The following TGFA variants were observed in gnomAD, a reference collection of about 807,000 sequenced individuals.
TGFA encodes protransforming growth factor alpha.
In TGFA, 12 loss-of-function variants were observed where a neutral mutation model predicts 21.7. The observed-to-expected ratio is 0.55, with a 90% CI of 0.35 to 0.90. The LOEUF (loss-of-function observed/expected upper bound fraction) is 0.90, where lower values mean the gene tolerates loss of function less well. Ranked by LOEUF, TGFA falls within the 40% of genes least tolerant of loss-of-function variation. TGFA has a pLI of 0.01. For missense variants in TGFA, 178 were observed against 210.8 expected (o/e 0.84, Z 0.96); for synonymous variants, 79 against 88.1 (o/e 0.90, Z 0.58).
At chr2:70,499,881 G>A (rs77906326) in intron 2 of TGFA, among the ~76,000 whole-genome samples, 3 of 152,142 alleles carry the variant, frequency 2.0e-5, no homozygotes, top group South Asian at 2.1e-4. Context: ...CAAATGTGTC[G>A]CAAGGTTCTA....
chr2:70,457,762 G>A (rs988684434), intron 3 of TGFA, among the ~76,000 whole-genome samples: 5 of 152,000 alleles, frequency 3.3e-5, no homozygotes, highest in Non-Finnish European at 7.4e-5. Flanking sequence ...CGCTGGTCTC[G>A]AGCTCTTGAC....
intron 1 of TGFA, among the ~76,000 whole-genome samples, chr2:70,533,754 T>G (rs1672890414): frequency 6.6e-6 from 1 of 152,218 alleles, no homozygotes; most frequent in South Asian, 2.1e-4. Flanking sequence ...AGATGTAATC[T>G]GCTTCAAGTA....
chr2:70,514,056 T>A (rs782195832), intron 2 of TGFA, among the ~76,000 whole-genome samples: 1 of 152,130 alleles, frequency 6.6e-6, no homozygotes, highest in African/African-American at 2.4e-5. Flanking sequence ...AGAGGTAGCA[T>A]CATAACTTAA....
At position 70,483,332 on chromosome 2, in the gene TGFA, G is replaced by A. The variant is rs1671177591; in HGVS notation, c.95-17596C>T. On this transcript the variant is annotated intron_variant, in intron 2 of 5. Coordinates refer to ENST00000295400, the MANE Select transcript of TGFA (RefSeq NM_003236.4). ...CTTCAGGCATTTTTACATCATTAAA[G>A]TCAGAAATGTATTTGTCTTTTTCCA... 2.6e-5 allele frequency among the ~76,000 whole-genome samples: 4 copies of A among 152,116 alleles called. No individual in the cohort carries two copies. In the South Asian group the frequency reaches 8.3e-4, roughly 32 times the overall value.
At chr2:70,521,532 A>G (rs1468827153) in intron 1 of TGFA, among the ~76,000 whole-genome samples, 1 of 152,034 alleles carries the variant, frequency 6.6e-6, no homozygotes, top group East Asian at 1.9e-4. Context: ...ACATGAGAAA[A>G]ATGTGGTATA....
intron 1 of TGFA, among the ~76,000 whole-genome samples, chr2:70,528,863 A>G (rs577532547): frequency 6.6e-6 from 1 of 152,294 alleles, no homozygotes; most frequent in African/African-American, 2.4e-5. Context: ...CACGGCCTTT[A>G]TCATAAAATG....
At chr2:70,471,271 C>T (rs1002645746) in intron 2 of TGFA, among the ~76,000 whole-genome samples, 2 of 152,166 alleles carry the variant, frequency 1.3e-5, no homozygotes, top group Admixed American at 6.5e-5. Context: ...AGCTTTGTAG[C>T]TTGTCACAGG....
rs1175233983 is a variant in TGFA at position 70,476,080 on chromosome 2, C to CAAAAAAAAAAA, written c.95-10355_95-10345dup. 5.6e-3 allele frequency among the ~76,000 whole-genome samples: 308 copies of CAAAAAAAAAAA among 55,452 alleles called. 1 individual carries two copies. Among genetic ancestry groups the CAAAAAAAAAAA allele is most frequent in the Admixed American group, 6.8e-3 (23 of 3,372 alleles). 36.4% of individuals were successfully genotyped at this position (55,452 alleles called of 152,430 possible). A position where few individuals can be genotyped will look rare whatever the true frequency, so the allele number is the denominator to read the frequency against. ...CTACCTTGGTCTTAGTAATTTTAAG[C>CAAAAAAAAAAA]AAAAAAAAAAAAAAAAAAAAAAAAA... On this transcript the variant is annotated intron_variant, in intron 2 of 5. Coordinates refer to ENST00000295400, the MANE Select transcript of TGFA (RefSeq NM_003236.4).
chr2:70,456,549 C>T (rs1670236129), intron 3 of TGFA, 61 bp from the exon 4 acceptor site: 1 of 1,526,478 alleles, frequency 6.6e-7, no homozygotes, highest in Admixed American at 2.0e-5. Context: ...CCCTAGCTCT[C>T]CAGGGAGGGC....
At chr2:70,513,566 C>T (rs1553501231) in intron 2 of TGFA, among the ~76,000 whole-genome samples, 2 of 152,146 alleles carry the variant, frequency 1.3e-5, no homozygotes, top group African/African-American at 4.8e-5. Context: ...TCATGGACCA[C>T]CAAGTGGCTT....
chr2:70,466,544 A>T (rs534895738), intron 2 of TGFA, among the ~76,000 whole-genome samples: 66 of 152,198 alleles, frequency 4.3e-4, no homozygotes, highest in African/African-American at 1.6e-3. Flanking sequence ...CAAACAAAAA[A>T]ACCAAAAAAA....
chr2:70,527,378 G>A (rs1353594965), intron 1 of TGFA, among the ~76,000 whole-genome samples: 1 of 152,226 alleles, frequency 6.6e-6, no homozygotes, highest in African/African-American at 2.4e-5. Flanking sequence ...CTATATGACA[G>A]TCTGAAAAAG....
At chr2:70,510,131 G>A (rs904886297) in intron 2 of TGFA, among the ~76,000 whole-genome samples, 3 of 152,164 alleles carry the variant, frequency 2.0e-5, no homozygotes, top group Admixed American at 6.5e-5. Context: ...AAGTTTGCCC[G>A]TATCATTGTG....
At chr2:70,548,611 A>G (rs1390012432) in intron 1 of TGFA, among the ~76,000 whole-genome samples, 1 of 152,214 alleles carries the variant, frequency 6.6e-6, no homozygotes, top group Non-Finnish European at 1.5e-5. Context: ...CTAGGCATAG[A>G]ACTCACTTGA....
At chr2:70,471,448 A>G (rs948727729) in intron 2 of TGFA, among the ~76,000 whole-genome samples, 1 of 152,200 alleles carries the variant, frequency 6.6e-6, no homozygotes. Flanking sequence ...GTGCGCCCCT[A>G]GGGTGCTGTA....
At chr2:70,547,638 A>G (rs1281396430) in intron 1 of TGFA, among the ~76,000 whole-genome samples, 2 of 149,542 alleles carry the variant, frequency 1.3e-5, no homozygotes, top group African/African-American at 4.9e-5. Context: ...ACCCACTGGA[A>G]TTCATATATG....
intron 1 of TGFA, among the ~76,000 whole-genome samples, chr2:70,550,075 C>G (rs1673440278): frequency 6.6e-6 from 1 of 152,190 alleles, no homozygotes; most frequent in African/African-American, 2.4e-5. Context: ...CGTACTGGTC[C>G]CTCAGTCCTG....
chr2:70,544,868 T>A (rs782024360), intron 1 of TGFA, among the ~76,000 whole-genome samples: 3 of 152,054 alleles, frequency 2.0e-5, no homozygotes, highest in Non-Finnish European at 4.4e-5. Context: ...TACCAGAGGC[T>A]AGAAAGGGTA....
At chr2:70,464,843 C>T (rs1055621381) in intron 3 of TGFA, among the ~76,000 whole-genome samples, 1 of 152,130 alleles carries the variant, frequency 6.6e-6, no homozygotes, top group African/African-American at 2.4e-5. Flanking sequence ...TAGCAGATCC[C>T]CTGAGCATGT....
Sources: gnomAD v4.1 joint callset for allele counts (sites outside exome capture counted in the v4.1 genomes callset) on GRCh38, gnomAD v4.1.1 for gene constraint, MANE v1.5 for transcripts, NCBI Gene and HGNC (gene_info 2026-07-23, HGNC 2026-07-21) for gene names.